The following MAP3K14 variants were observed in gnomAD, a reference collection of about 807,000 sequenced individuals.
The protein encoded by MAP3K14 is NF-kappa-beta-inducing kinase.
MAP3K14 carries 16 observed loss-of-function variants against 99.2 expected under a neutral mutation model. The observed-to-expected ratio is 0.16, with a 90% CI of 0.11 to 0.24. The LOEUF (loss-of-function observed/expected upper bound fraction) is 0.24. Among genes scored for constraint, MAP3K14 ranks in the 10% least tolerant of loss-of-function variants. The probability of loss-of-function intolerance (pLI) is 1.00; values close to 1 mark genes in which losing one functional copy is unlikely to be tolerated. For missense variants in MAP3K14, 784 were observed against 1,208.7 expected (o/e 0.65, Z 5.21); for synonymous variants, 462 against 492.4 (o/e 0.94, Z 0.82).
rs905756115 is a variant in MAP3K14 at position 45,272,241 on chromosome 17, G to A, written c.1658-1020C>T. On this transcript the variant is annotated intron_variant, in intron 9 of 15. Coordinates refer to ENST00000344686, the MANE Select transcript of MAP3K14 (RefSeq NM_003954.5). This position sits in a 1 kb window ranked among gnomAD's most constrained non-coding sequence, Gnocchi z 4.1. ...CTCAGGAGGCTGAGGTGGGAGGATCGCTTGAACCAAGGAGCTTGAGGCTGC... is the reference window on the plus strand; with the variant it reads ...CTCAGGAGGCTGAGGTGGGAGGATCACTTGAACCAAGGAGCTTGAGGCTGC... Among the ~76,000 whole-genome samples, 2 of 152,000 alleles carry A rather than the reference G, an allele frequency of 1.3e-5. No homozygotes were observed. Among genetic ancestry groups the A allele is most frequent in the African/African-American group, 2.4e-5 (1 of 41,380 alleles).
At chr17:45,278,964 C>T (rs2044199508) in intron 6 of MAP3K14, among the ~76,000 whole-genome samples, 1 of 152,088 alleles carries the variant, frequency 6.6e-6, no homozygotes, top group Admixed American at 6.6e-5. Context: ...TGCCTGGCAT[C>T]CATGCTAATG....
intron 1 of MAP3K14, among the ~76,000 whole-genome samples, chr17:45,300,280 A>G (rs2044376638): frequency 6.6e-6 from 1 of 152,170 alleles, no homozygotes; most frequent in East Asian, 1.9e-4. Flanking sequence ...CCTCGCATCT[A>G]TTCTATTGGC....
At chr17:45,314,567 G>A (rs1464256037) in intron 1 of MAP3K14, among the ~76,000 whole-genome samples, 1 of 151,660 alleles carries the variant, frequency 6.6e-6, no homozygotes, top group Non-Finnish European at 1.5e-5. Flanking sequence ...CTGTGGTAGT[G>A]ACTTATTAAT....
intron 2 of MAP3K14, 86 bp downstream of exon 2, chr17:45,290,404 C>G: frequency 6.6e-7 from 1 of 1,517,318 alleles, no homozygotes; most frequent in Non-Finnish European, 9.0e-7. Flanking sequence ...ACAGACCTCT[C>G]TCCTCCATAG....
rs371611004 is a variant in MAP3K14, at chr17:45,275,565, C to G, written c.1291-972G>C. On this transcript the variant is annotated intron_variant, in intron 6 of 15. Coordinates refer to ENST00000344686, the MANE Select transcript of MAP3K14 (RefSeq NM_003954.5). ...CTACATTCGTCATCCTGGCTGCTGG[C>G]ACGCTGTCCGCCCTCAAATCTGCCA... Among the ~76,000 whole-genome samples the G allele has an allele frequency of 8.1e-4, 123 of 151,814 alleles. 4 individuals carry two copies. In the South Asian group the frequency reaches 0.025, roughly 30 times the overall value.
intron 4 of MAP3K14, 39 bp from the exon 5 acceptor site, chr17:45,287,084 G>A (rs759312141): frequency 1.9e-6 from 3 of 1,604,184 alleles, no homozygotes; most frequent in Non-Finnish European, 2.6e-6. Flanking sequence ...AGAGGGCCAG[G>A]GCCCAGGGAC....
Position 45,267,515 on chromosome 17 carries a change from C to T in MAP3K14, c.2217G>A (p.Met739Ile), listed in dbSNP as rs746619908. Residue 739 changes from methionine (M) to isoleucine (I), a missense_variant, in exon 12 of 16, where the codon ATG becomes ATA. Physicochemically the swap from Met to Ile is conservative, Grantham distance 10. Around this residue, in one of 5 missense-constraint regions of MAP3K14, gnomAD observed 128 missense variants for 143.3 expected, o/e 0.89. Coordinates refer to ENST00000344686, the MANE Select transcript of MAP3K14 (RefSeq NM_003954.5). This position sits in a 1 kb window ranked among gnomAD's most constrained non-coding sequence, Gnocchi z 5.1. ...GGGAGGACAGAGGTAAGGGTTCCCACATCCCAGACTCCTCCTTGCTCAAAG... is the reference window on the plus strand; with the variant it reads ...GGGAGGACAGAGGTAAGGGTTCCCATATCCCAGACTCCTCCTTGCTCAAAG... Reference protein sequence around the residue: ...PLTLSKEESGMWEPLPLSSLE... With the variant: ...PLTLSKEESGIWEPLPLSSLE... 5 of 1,613,220 alleles carry T rather than the reference C, an allele frequency of 3.1e-6. No homozygotes were observed. The East Asian group carries it at 6.7e-5, about 22-fold the overall frequency.
intron 1 of MAP3K14, among the ~76,000 whole-genome samples, chr17:45,310,423 T>C (rs188957809): frequency 6.6e-6 from 1 of 152,326 alleles, no homozygotes; most frequent in Non-Finnish European, 1.5e-5. Context: ...ATCCCTAGTA[T>C]GGACCAGAAA....
At chr17:45,300,921 C>T (rs1364656586) in intron 1 of MAP3K14, among the ~76,000 whole-genome samples, 2 of 151,944 alleles carry the variant, frequency 1.3e-5, no homozygotes, top group Non-Finnish European at 2.9e-5. Flanking sequence ...AATACCAGCA[C>T]TTTGGGAGGC....
At chr17:45,310,867 C>T (rs1422794765) in intron 1 of MAP3K14, among the ~76,000 whole-genome samples, 3 of 152,152 alleles carry the variant, frequency 2.0e-5, no homozygotes, top group Non-Finnish European at 2.9e-5. Flanking sequence ...TATAAGACAG[C>T]GTCCAACAAA....
Position 45,267,827 on chromosome 17 carries a change from G to C in MAP3K14, c.1973-68C>G, listed in dbSNP as rs554514736. ...CACAGACAGCGGTCCAGGCAGGAGC[G>C]GCCTCTCCTGAGTGCAGAAGGGCTA... On this transcript the variant is annotated intron_variant, in intron 11 of 15. Transcript: ENST00000344686. This position sits in a 1 kb window ranked among gnomAD's most constrained non-coding sequence, Gnocchi z 5.1. 2 of 1,387,508 alleles carry C rather than the reference G, an allele frequency of 1.4e-6. No homozygotes were observed. The highest frequency in any genetic ancestry group is 2.9e-5 in the African/African-American group (2 of 69,100). The allele number at this position is 1,387,508 out of a possible 1,614,324, so 85.9% of individuals were successfully genotyped here. A position where few individuals can be genotyped will look rare whatever the true frequency, so the allele number is the denominator to read the frequency against.
chr17:45,310,971 T>C (rs894854268), intron 1 of MAP3K14, among the ~76,000 whole-genome samples: 1 of 151,228 alleles, frequency 6.6e-6, no homozygotes, highest in African/African-American at 2.4e-5. Flanking sequence ...AGGCTGAGAG[T>C]GATAGGGTTG....
chr17:45,265,102 G>A, intron 15 of MAP3K14, 61 bp downstream of exon 15: 2 of 1,335,628 alleles, frequency 1.5e-6, no homozygotes. Context: ...CTCCTGGAGG[G>A]TGGGGCCAGC....
chr17:45,289,404 T>G, intron 2 of MAP3K14, 99 bp from the exon 3 acceptor site: 2 of 879,088 alleles, frequency 2.3e-6, no homozygotes, highest in Non-Finnish European at 3.7e-6. Context: ...GCGCCTCTCC[T>G]TCCCCTCCTT....
chr17:45,273,100 G>A (rs1263175179), intron 9 of MAP3K14, among the ~76,000 whole-genome samples: 1 of 152,184 alleles, frequency 6.6e-6, no homozygotes, highest in Non-Finnish European at 1.5e-5. Context: ...ACTGACTTTA[G>A]AGCCCAGGCC....
chr17:45,265,026 TG>T, intron 15 of MAP3K14, 136 bp downstream of exon 15: 2 of 830,764 alleles, frequency 2.4e-6, no homozygotes, highest in South Asian at 1.6e-5. Flanking sequence ...TTTGAGGTCC[TG>T]GGGGACGTTG....
chr17:45,274,500 C>T lies in MAP3K14; in HGVS notation c.1384G>A (p.Gly462Arg). ...TCCATGAAGATGTTGACCCAAGGCC[C>T]TTCTCTCACAGCTCCATACAAAGGG... is the stretch of plus-strand genomic sequence containing the variant. ...IVPLYGAVREGPWVNIFMELL... is the reference protein window; with the variant it reads ...IVPLYGAVRERPWVNIFMELL... The change falls in exon 7 of 16, where the codon GGG becomes AGG. Residue 462 changes from glycine to arginine, a missense_variant. Coordinates refer to ENST00000344686, the MANE Select transcript of MAP3K14 (RefSeq NM_003954.5). The T allele has an allele frequency of 6.2e-7, 1 of 1,614,028 alleles. No individual in the cohort carries two copies. Among genetic ancestry groups the T allele is most frequent in the Non-Finnish European group, 8.5e-7 (1 of 1,179,888 alleles).
chr17:45,284,018 C>T (rs527795219), intron 6 of MAP3K14, among the ~76,000 whole-genome samples: 3 of 152,242 alleles, frequency 2.0e-5, no homozygotes, highest in South Asian at 2.1e-4. Context: ...CCTCTGGGCC[C>T]GGATAGTGTG....
Position 45,267,554 on chromosome 17 carries a change from C to A in MAP3K14, c.2178G>T (p.Lys726Asn), listed in dbSNP as rs769256349. 1 of 1,613,640 alleles carries A rather than the reference C, an allele frequency of 6.2e-7. No individual in the cohort carries two copies. The highest frequency in any genetic ancestry group is 1.7e-5 in the Admixed American group (1 of 59,970). Residue 726 changes from lysine to asparagine, a missense_variant, in exon 12 of 16, where the codon AAG (lysine) becomes AAT (asparagine). Coordinates refer to ENST00000344686, the MANE Select transcript of MAP3K14 (RefSeq NM_003954.5). The surrounding 1 kb of genome is among the most constrained non-coding windows in gnomAD (Gnocchi z 5.1). ...PLPPEPPEPN[K>N]SPPLTLSKEE... ...CCTTGCTCAAAGTCAAGGGAGGAGA[C>A]TTGTTTGGCTCTGGGGGCTCTGGTG... is the stretch of plus-strand genomic sequence containing the variant.
Sources: gnomAD v4.1 joint callset for allele counts (sites outside exome capture counted in the v4.1 genomes callset) on GRCh38, gnomAD v4.1.1 for gene constraint, gnomAD v4.1.1 regional missense constraint, Gnocchi (gnomAD v3.1) non-coding constraint, MANE v1.5 for transcripts, NCBI Gene and HGNC (gene_info 2026-07-23, HGNC 2026-07-21) for gene names.